Variants in THOC1 observed in about 807,000 individuals in gnomAD.
THOC1 encodes THO complex 1.
THOC1 carries 29 observed loss-of-function variants against 97.3 expected under a neutral mutation model. The ratio of observed to expected loss-of-function variants is 0.30; its 90% CI spans 0.22 to 0.41. The LOEUF (loss-of-function observed/expected upper bound fraction) is 0.41. THOC1 is among the 10% of genes least tolerant of loss of function. THOC1 has a pLI of 1.00. For synonymous variants in THOC1, 255 were observed against 257.0 expected (o/e 0.99, Z 0.07); for missense variants, 529 against 761.9 (o/e 0.69, Z 3.60).
In THOC1 at chr18:226,865, G is replaced by A. The variant is rs1299185012; in HGVS notation, c.955C>T (p.Arg319Ter). 3 of 1,611,336 alleles carry A rather than the reference G, an allele frequency of 1.9e-6. No homozygotes were observed. Among genetic ancestry groups the A allele is most frequent in the Non-Finnish European group, 2.5e-6 (3 of 1,178,868 alleles). The change falls in exon 12 of 21, where the codon CGA becomes TGA. Residue 319 changes from arginine to a stop codon, truncating the protein, a stop_gained. Coordinates refer to ENST00000261600, the MANE Select transcript of THOC1 (RefSeq NM_005131.3). LOFTEE classifies it high-confidence loss of function. ...DLQLSDSNFR[R>*]HILLQYLILF... ...ATGAGATACTGCAACAGGATGTGTCGACGAAAGTTACTGTCACTCAGTTGT... is the reference window on the plus strand; with the variant it reads ...ATGAGATACTGCAACAGGATGTGTCAACGAAAGTTACTGTCACTCAGTTGT...
intron 11 of THOC1, 136 bp downstream of exon 11, chr18:246,188 A>T: frequency 2.8e-6 from 2 of 720,154 alleles, no homozygotes; most frequent in Non-Finnish European, 4.4e-6. Context: ...TTTCAAACTA[A>T]CATTAATCAA....
At chr18:228,186 C>CCACAGCTAGACCTGGGGTCACT (rs1485072791) in intron 11 of THOC1, among the ~76,000 whole-genome samples, 2 of 152,118 alleles carry the variant, frequency 1.3e-5, no homozygotes, top group African/African-American at 4.8e-5. Flanking sequence ...ACTACTGTGG[C>CCACAGCTAGACCTGGGGTCACT]CACAGCTAGA....
chr18:256,960 C>A (rs1449898080), intron 7 of THOC1, among the ~76,000 whole-genome samples: 2 of 152,198 alleles, frequency 1.3e-5, no homozygotes, highest in Non-Finnish European at 2.9e-5. Flanking sequence ...AAGACCCCCA[C>A]CAGCAAAAAG....
At chr18:261,440 G>T (rs906775441) in intron 4 of THOC1, among the ~76,000 whole-genome samples, 1 of 152,208 alleles carries the variant, frequency 6.6e-6, no homozygotes, top group African/African-American at 2.4e-5. Flanking sequence ...GGAATGCGAC[G>T]TGAGGGATAT....
chr18:220,602 T>C (rs1040418272), intron 17 of THOC1, among the ~76,000 whole-genome samples: 15 of 152,192 alleles, frequency 9.9e-5, no homozygotes, highest in African/African-American at 3.6e-4. Flanking sequence ...ATCTCTTAGC[T>C]GGAAACTGCT....
intron 11 of THOC1, among the ~76,000 whole-genome samples, chr18:240,898 A>G (rs1394164822): frequency 6.6e-6 from 1 of 152,200 alleles, no homozygotes; most frequent in Non-Finnish European, 1.5e-5. Flanking sequence ...GGTGGGAGAC[A>G]GTGACAGATC....
At position 268,030 on chromosome 18, in the gene THOC1, G is replaced by A. The variant is rs754783942; in HGVS notation, c.-11C>T. The A allele has an allele frequency of 6.4e-7, 1 of 1,567,896 alleles. No individual in the cohort carries two copies. The highest frequency in any genetic ancestry group is 1.2e-5 in the South Asian group (1 of 86,396). Reference sequence around the variant, plus strand: ...CGGCGTCGGAGACATCTTCTCGGCTGCGCGTGCCCGCCACTGCGCTGCGGC... The same window carrying A: ...CGGCGTCGGAGACATCTTCTCGGCTACGCGTGCCCGCCACTGCGCTGCGGC... On this transcript the variant is annotated 5_prime_UTR_variant, in exon 1 of 21. Transcript: ENST00000261600.
At chr18:216,426 A>G in intron 19 of THOC1, 60 bp downstream of exon 19, 1 of 1,559,060 alleles carries the variant, frequency 6.4e-7, no homozygotes, top group Non-Finnish European at 8.7e-7. Flanking sequence ...TCACATAGTG[A>G]CAGCAATTTT....
intron 17 of THOC1, among the ~76,000 whole-genome samples, chr18:221,945 G>A (rs1911108116): frequency 6.6e-6 from 1 of 152,102 alleles, no homozygotes; most frequent in Non-Finnish European, 1.5e-5. Flanking sequence ...TTCTGTCTTT[G>A]AGCCAGAAAG....
chr18:215,708 C>CA (rs1481940669), intron 19 of THOC1: 4 of 516,508 alleles, frequency 7.7e-6, no homozygotes, highest in Non-Finnish European at 1.4e-5. Context: ...GGGAAGACCT[C>CA]AGAGTTGGAA....
intron 12 of THOC1, 34 bp downstream of exon 12, chr18:226,767 G>A (rs1911304931): frequency 6.6e-7 from 1 of 1,511,792 alleles, no homozygotes; most frequent in African/African-American, 1.4e-5. Context: ...CTTGGCTACT[G>A]TTTACAAATT....
chr18:214,907 G>C lies in THOC1; in HGVS notation c.1693C>G (p.Arg565Gly). The change falls in exon 21 of 21, where the codon CGA becomes GGA. Residue 565 changes from arginine (R) to glycine (G), a missense_variant. Arg to Gly is a moderately radical substitution (Grantham distance 125, BLOSUM62 -2). Transcript: ENST00000261600. ...TGTTCTCCTGTTACAGGTTTGTCTCGCCGAACATCAGGACCTAGAAAATGA... is the reference window on the plus strand; with the variant it reads ...TGTTCTCCTGTTACAGGTTTGTCTCCCCGAACATCAGGACCTAGAAAATGA... ...LKENESPDVR[R>G]DKPVTGEQIE... The C allele has an allele frequency of 6.2e-7, 1 of 1,613,684 alleles. No homozygotes were observed. Among genetic ancestry groups the C allele is most frequent in the Non-Finnish European group, 8.5e-7 (1 of 1,179,764 alleles).
chr18:250,616 T>C (rs565694279), intron 9 of THOC1, among the ~76,000 whole-genome samples: 1 of 152,344 alleles, frequency 6.6e-6, no homozygotes, highest in East Asian at 1.9e-4. Context: ...AAATCTGAAA[T>C]GGACTTCATA....
rs1204415712 is a variant in THOC1, at chr18:224,110, T to C, written c.1278A>G (p.Gly426=). 6.2e-7 allele frequency: 1 copy of C among 1,610,264 alleles called. No homozygotes were observed. ...TTCCCATCAGAATTTTTTTGGTGGG[T>C]CCTTTCCCTAGGAAGTCCTCGGGTG... is the stretch of plus-strand genomic sequence containing the variant. The part of the protein sequence containing the change: ...RTAPEDFLGK[G]PTKKILMGNE... The change falls in exon 16 of 21, where the codon GGA becomes GGG. Residue 426 remains glycine (G), a synonymous_variant. Transcript: ENST00000261600.
chr18:248,796 A>G (rs536296997), intron 9 of THOC1, among the ~76,000 whole-genome samples: 3 of 151,896 alleles, frequency 2.0e-5, no homozygotes, highest in African/African-American at 7.3e-5. Context: ...TGTTGCCCAG[A>G]CTGGAGGGCA....
At chr18:265,643 G>T in intron 1 of THOC1, 113 bp from the exon 2 acceptor site, 1 of 754,898 alleles carries the variant, frequency 1.3e-6, no homozygotes, top group Non-Finnish European at 2.1e-6. Context: ...TTATACCTGG[G>T]AAAAATTACC....
intron 11 of THOC1, among the ~76,000 whole-genome samples, chr18:231,619 T>C (rs1015442010): frequency 1.3e-5 from 2 of 152,194 alleles, no homozygotes; most frequent in African/African-American, 2.4e-5. Context: ...CAGCTACATA[T>C]AAAATCCTAA....
At chr18:240,368 C>T (rs1421529763) in intron 11 of THOC1, among the ~76,000 whole-genome samples, 1 of 152,166 alleles carries the variant, frequency 6.6e-6, no homozygotes, top group African/African-American at 2.4e-5. Flanking sequence ...TTGACTCACA[C>T]ACAGAGGTTA....
Position 230,960 on chromosome 18 carries a change from G to T in THOC1, c.919-4059C>A, listed in dbSNP as rs146567505. On this transcript the variant is annotated intron_variant, in intron 11 of 20. Transcript: ENST00000261600. ...GTCTCACTTTGTTGCCCAGGCTGTT[G>T]TGAACTCCAGGCTGTTTTGAACTTC... is the stretch of plus-strand genomic sequence containing the variant. Among the ~76,000 whole-genome samples the T allele has an allele frequency of 3.5e-3, 540 of 152,182 alleles. 1 individual carries two copies. The highest frequency in any genetic ancestry group is 0.012 in the African/African-American group (503 of 41,526).
Sources: allele counts gnomAD v4.1 joint callset (sites outside exome capture counted in the v4.1 genomes callset), GRCh38; gene constraint gnomAD v4.1.1; transcripts MANE v1.5; gene names NCBI Gene and HGNC (gene_info 2026-07-23, HGNC 2026-07-21).